QSOX1: variants seen among roughly 807,000 people sequenced by gnomAD.
QSOX1 encodes sulfhydryl oxidase 1.
QSOX1 carries 40 observed loss-of-function variants against 76.1 expected under a neutral mutation model. That is an observed-to-expected ratio of 0.53 (90% confidence interval 0.41 to 0.68). The LOEUF (loss-of-function observed/expected upper bound fraction) is 0.68, where lower values mean the gene tolerates loss of function less well. Among genes scored for constraint, QSOX1 ranks in the 30% least tolerant of loss-of-function variants. The pLI is 0.00. For missense variants in QSOX1, 931 were observed against 974.3 expected, an observed-to-expected ratio of 0.96 and a Z score of 0.59; for synonymous variants, 392 against 413.1, an observed-to-expected ratio of 0.95 and a Z score of 0.62.
At chr1:180,185,829 G>A (rs756124175) in intron 7 of QSOX1, among the ~76,000 whole-genome samples, 5 of 152,212 alleles carry the variant, frequency 3.3e-5, no homozygotes, top group Admixed American at 6.5e-5. Context: ...TGTGAGCAAT[G>A]TGTTATTCAT....
chr1:180,163,533 CT>C (rs2149230340), intron 1 of QSOX1, among the ~76,000 whole-genome samples: 1 of 152,296 alleles, frequency 6.6e-6, no homozygotes, highest in South Asian at 2.1e-4. Context: ...GCTTTTCATG[CT>C]TATTACAGAC....
rs938910397 is a variant in QSOX1, at chr1:180,166,501, G to A, written c.276G>A (p.Pro92=). The A allele has an allele frequency of 1.4e-5, 22 of 1,613,828 alleles. No individual in the cohort carries two copies. The highest frequency in any genetic ancestry group is 2.2e-5 in the East Asian group (1 of 44,884). The change falls in exon 2 of 12, where the codon CCG becomes CCA. Residue 92 remains proline (P), a synonymous_variant. Transcript: ENST00000367602. The part of the protein sequence containing the change: ...ALAEDVKAWR[P]ALYLAALDCA... ...TTTTTGTCCTTTCAGCCTGGAGGCC[G>A]GCCCTGTATCTCGCCGCCCTGGACT... is the stretch of plus-strand genomic sequence containing the variant.
In QSOX1 at chr1:180,163,928, G is replaced by C. The variant is rs555849415; in HGVS notation, c.266-2563G>C. Among the ~76,000 whole-genome samples, 32 of 152,356 alleles carry C rather than the reference G, an allele frequency of 2.1e-4. No individual in the cohort carries two copies. The South Asian group carries it at 6.6e-3, about 32-fold the overall frequency. On this transcript the variant is annotated intron_variant, in intron 1 of 11. Transcript: ENST00000367602. ...GATGTTTCTCTGGAAGCCCTGCCAT[G>C]AGAACCTGTACTAGCTCATGGGACA...
intron 2 of QSOX1, among the ~76,000 whole-genome samples, chr1:180,169,944 C>CA (rs1433743748): frequency 6.6e-6 from 1 of 152,200 alleles, no homozygotes; most frequent in Admixed American, 6.5e-5. Context: ...TGTTGAAGGA[C>CA]AGATGGGGTT....
At chr1:180,182,071 C>A in intron 5 of QSOX1, 103 bp from the exon 6 acceptor site, 1 of 1,187,496 alleles carries the variant, frequency 8.4e-7, no homozygotes, top group Non-Finnish European at 1.2e-6. Flanking sequence ...CTGGAAGGAG[C>A]ACAGCTGCCA....
intron 2 of QSOX1, among the ~76,000 whole-genome samples, chr1:180,170,913 C>A (rs1330824608): frequency 2.0e-5 from 3 of 152,118 alleles, no homozygotes; most frequent in Non-Finnish European, 4.4e-5. Context: ...GAGGTGGGTG[C>A]ATGGGTGAGT....
At chr1:180,155,658 A>G (rs898885528) in intron 1 of QSOX1, among the ~76,000 whole-genome samples, 2 of 152,112 alleles carry the variant, frequency 1.3e-5, no homozygotes, top group Admixed American at 6.5e-5. Flanking sequence ...CCTCCCTGCC[A>G]CCTTTCTCCA....
intron 2 of QSOX1, among the ~76,000 whole-genome samples, chr1:180,167,111 C>T (rs1662649056): frequency 6.6e-6 from 1 of 152,238 alleles, no homozygotes; most frequent in Admixed American, 6.5e-5. Context: ...TGATGCCTTA[C>T]CTGCCAGCCT....
intron 10 of QSOX1, among the ~76,000 whole-genome samples, chr1:180,193,785 G>A (rs1304385908): frequency 2.0e-5 from 3 of 152,144 alleles, no homozygotes; most frequent in Non-Finnish European, 1.5e-5. Context: ...CAGGCCCGAG[G>A]GAGGTGACGC....
chr1:180,168,138 C>G (rs1662673980), intron 2 of QSOX1, among the ~76,000 whole-genome samples: 1 of 152,252 alleles, frequency 6.6e-6, no homozygotes, highest in Non-Finnish European at 1.5e-5. Flanking sequence ...CTGGGCACAG[C>G]AGGGATGAAG....
In QSOX1 at chr1:180,196,468, G is replaced by A. The variant is rs767298570; in HGVS notation, c.1675G>A (p.Ala559Thr). ...TGCCCGGAGGGATGTGCAGAATGTG[G>A]CAGCCGCCCCAGAGCTGGCGATGGG... The part of the protein sequence containing the change: ...SAARRDVQNV[A>T]AAPELAMGAL... The change falls in exon 12 of 12, where the codon GCA becomes ACA. Residue 559 changes from alanine (A) to threonine (T), a missense_variant. Ala to Thr is a moderately conservative substitution (Grantham distance 58). Coordinates refer to ENST00000367602, the MANE Select transcript of QSOX1 (RefSeq NM_002826.5). The surrounding 1 kb of genome is among the most constrained non-coding windows in gnomAD (Gnocchi z 4.1). The A allele has an allele frequency of 3.1e-6, 5 of 1,614,006 alleles. No individual in the cohort carries two copies. In the South Asian group the frequency reaches 3.3e-5, roughly 11 times the overall value.
At chr1:180,173,691 T>C (rs567116972) in intron 2 of QSOX1, among the ~76,000 whole-genome samples, 1 of 152,126 alleles carries the variant, frequency 6.6e-6, no homozygotes, top group Non-Finnish European at 1.5e-5. Flanking sequence ...TACAAATGTC[T>C]GTAACAAACA....
chr1:180,166,544 A>G lies in QSOX1; in HGVS notation c.319A>G (p.Ser107Gly), dbSNP rs748443918. Residue 107 changes from serine to glycine, a missense_variant, in exon 2 of 12, where the codon AGT becomes GGT. Ser to Gly is a moderately conservative substitution (Grantham distance 56). Coordinates refer to ENST00000367602, the MANE Select transcript of QSOX1 (RefSeq NM_002826.5). Reference protein sequence around the residue: ...AALDCAEETNSAVCRDFNIPG... With the variant: ...AALDCAEETNGAVCRDFNIPG... The stretch of plus-strand genomic sequence containing the variant: ...CCTGGACTGTGCTGAGGAGACCAAC[A>G]GTGCAGTCTGCAGAGACTTCAACAT... The G allele has an allele frequency of 3.7e-6, 6 of 1,614,028 alleles. No individual in the cohort carries two copies. In the South Asian group the frequency reaches 4.4e-5, roughly 12 times the overall value.
rs2298206 is a variant in QSOX1 at position 180,175,953 on chromosome 1, A to T, written c.435A>T (p.Thr145=). The change falls in exon 4 of 12, where the codon ACA becomes ACT. Residue 145 remains threonine, a synonymous_variant. Transcript: ENST00000367602. ...CAGTGGCTGGTGCTGACGTGCAGAC[A>T]CTGCGGGAGAGGCTCATTGACGCCC... The part of the protein sequence containing the change: ...VFPVAGADVQ[T]LRERLIDALE... 2.5e-6 allele frequency: 4 copies of T among 1,597,076 alleles called. No homozygotes were observed. The highest frequency in any genetic ancestry group is 3.4e-6 in the Non-Finnish European group (4 of 1,172,650).
chr1:180,200,921 C>G lies in QSOX1; in HGVS notation c.*3884C>G, dbSNP rs929410781. On this transcript the variant is annotated 3_prime_UTR_variant, in exon 12 of 12. Transcript: ENST00000367602. ...TTCCCTCCAACAGTGGCAGTAACCA[C>G]TGTTGTGTGTTGGTGTCAAGGAGTG... is the stretch of plus-strand genomic sequence containing the variant. 1 of 152,248 alleles carries G rather than the reference C, an allele frequency of 6.6e-6. No homozygotes were observed. The highest frequency in any genetic ancestry group is 1.5e-5 in the Non-Finnish European group (1 of 68,058). The allele number at this position is 152,248 out of a possible 1,614,324, so 9.4% of individuals were successfully genotyped here.
chr1:180,189,126 G>A (rs1663244457), intron 8 of QSOX1, among the ~76,000 whole-genome samples: 1 of 152,184 alleles, frequency 6.6e-6, no homozygotes, highest in South Asian at 2.1e-4. Flanking sequence ...CAGTTGGCAA[G>A]TCAGCTCTAT....
In QSOX1 at chr1:180,194,200, C is replaced by T. The variant is rs958753618; in HGVS notation, c.1289-13C>T. ...CTGAAGGGCTGGTGCGTGGCATCTCCTCTGCCCTGTAGCCAAGGCCAAGGA... is the reference window on the plus strand; with the variant it reads ...CTGAAGGGCTGGTGCGTGGCATCTCTTCTGCCCTGTAGCCAAGGCCAAGGA... On this transcript the variant is annotated splice_polypyrimidine_tract_variant and intron_variant, in intron 10 of 11. Transcript: ENST00000367602. 1 of 1,608,000 alleles carries T rather than the reference C, an allele frequency of 6.2e-7. No individual in the cohort carries two copies. The highest frequency in any genetic ancestry group is 8.5e-7 in the Non-Finnish European group (1 of 1,177,600).
intron 1 of QSOX1, among the ~76,000 whole-genome samples, chr1:180,166,168 C>G (rs944843408): frequency 6.6e-6 from 1 of 152,116 alleles, no homozygotes; most frequent in East Asian, 1.9e-4. Context: ...GGGGGGATGG[C>G]GAGGAGCAGG....
chr1:180,190,281 G>T, intron 9 of QSOX1, 152 bp from the exon 10 acceptor site: 1 of 879,148 alleles, frequency 1.1e-6, no homozygotes, highest in Non-Finnish European at 1.8e-6. Flanking sequence ...TGCTGCTTCA[G>T]TGGGTGGAAC....
Sources: allele counts gnomAD v4.1 joint callset (sites outside exome capture counted in the v4.1 genomes callset), GRCh38; gene constraint gnomAD v4.1.1; non-coding constraint Gnocchi (gnomAD v3.1); transcripts MANE v1.5; gene names NCBI Gene and HGNC (gene_info 2026-07-23, HGNC 2026-07-21).